The following RSRC1 variants were observed in gnomAD, a reference collection of about 807,000 sequenced individuals.
RSRC1 encodes arginine and serine rich coiled-coil 1.
A neutral mutation model predicts 49.1 loss-of-function variants in RSRC1; 39 were observed. That is an observed-to-expected ratio of 0.79 (90% CI 0.61 to 1.04). The LOEUF is 1.04. Among genes scored for constraint, RSRC1 ranks in the 50% least tolerant of loss-of-function variants. The pLI, the probability that RSRC1 is intolerant of heterozygous loss-of-function variation, is 0.00. For synonymous variants in RSRC1, 143 were observed against 130.8 expected, an observed-to-expected ratio of 1.09 and a Z score of -0.63; for missense variants, 388 against 402.4, an observed-to-expected ratio of 0.96 and a Z score of 0.31.
intron 6 of RSRC1, among the ~76,000 whole-genome samples, chr3:158,450,331 C>CTTTTTTTTT (rs57318071): frequency 7.9e-6 from 1 of 127,308 alleles, no homozygotes; most frequent in African/African-American, 2.9e-5. Context: ...TTCTTTTTTG[C>CTTTTTTTTT]TTTTTTTTTT....
At chr3:158,220,849 C>T (rs1408698919) in intron 4 of RSRC1, among the ~76,000 whole-genome samples, 2 of 151,544 alleles carry the variant, frequency 1.3e-5, no homozygotes, top group Admixed American at 1.3e-4. Flanking sequence ...ATAACTGAAT[C>T]AAAACATACA....
At chr3:158,393,793 T>C (rs1160812285) in intron 6 of RSRC1, among the ~76,000 whole-genome samples, 1 of 151,882 alleles carries the variant, frequency 6.6e-6, no homozygotes, top group Non-Finnish European at 1.5e-5. Flanking sequence ...AGCTCCTCAC[T>C]AACTTTTTCT....
chr3:158,364,740 C>T (rs1286489415), intron 6 of RSRC1, among the ~76,000 whole-genome samples: 1 of 151,478 alleles, frequency 6.6e-6, no homozygotes, highest in Non-Finnish European at 1.5e-5. Context: ...ATTCCTAGCT[C>T]TCATCTTTAC....
intron 4 of RSRC1, among the ~76,000 whole-genome samples, chr3:158,285,439 T>A (rs1220781641): frequency 1.3e-5 from 2 of 152,188 alleles, no homozygotes; most frequent in Non-Finnish European, 2.9e-5. Flanking sequence ...AGAAAGTCAT[T>A]GGTAGCTTGA....
chr3:158,485,235 A>G (rs1738771674), intron 7 of RSRC1, among the ~76,000 whole-genome samples: 1 of 152,036 alleles, frequency 6.6e-6, no homozygotes, highest in East Asian at 1.9e-4. Context: ...ACCTGAAGTT[A>G]ATTGTATGTT....
intron 4 of RSRC1, chr3:158,276,020 T>C: frequency 1.2e-6 from 1 of 829,804 alleles, no homozygotes; most frequent in Admixed American, 1.7e-5. Flanking sequence ...AATGGATTAA[T>C]GAGGATAGCC....
intron 7 of RSRC1, among the ~76,000 whole-genome samples, chr3:158,516,169 G>T (rs1391761552): frequency 6.6e-6 from 1 of 152,190 alleles, no homozygotes; most frequent in African/African-American, 2.4e-5. Context: ...AGGAGGAGAG[G>T]TGCTCGCTTT....
intron 5 of RSRC1, among the ~76,000 whole-genome samples, chr3:158,300,381 G>A (rs1283739165): frequency 6.6e-6 from 1 of 152,014 alleles, no homozygotes; most frequent in Admixed American, 6.6e-5. Flanking sequence ...ATCTTGCATT[G>A]TACATTAATA....
At chr3:158,342,393 A>C (rs1264587323) in intron 5 of RSRC1, among the ~76,000 whole-genome samples, 1 of 152,166 alleles carries the variant, frequency 6.6e-6, no homozygotes, top group Non-Finnish European at 1.5e-5. Context: ...ATAGTGAATA[A>C]GTCTCACGAG....
At chr3:158,354,752 A>G in intron 5 of RSRC1, 105 bp from the exon 6 acceptor site, 2 of 803,790 alleles carry the variant, frequency 2.5e-6, no homozygotes, top group Admixed American at 3.1e-5. Flanking sequence ...AAGCTCTTTA[A>G]ATTTCCTAAT....
chr3:158,424,870 C>G (rs528394829), intron 6 of RSRC1, among the ~76,000 whole-genome samples: 151 of 151,886 alleles, frequency 9.9e-4, no homozygotes, highest in Middle Eastern at 3.4e-3. Context: ...TTTGCGTAGA[C>G]GTGTTTGTAG....
intron 3 of RSRC1, among the ~76,000 whole-genome samples, chr3:158,148,935 C>T (rs977417882): frequency 5.3e-5 from 8 of 152,006 alleles, no homozygotes; most frequent in South Asian, 2.1e-4. Context: ...AGGCACATGC[C>T]GCCACGCCTG....
chr3:158,457,382 G>A (rs955417006), intron 6 of RSRC1, among the ~76,000 whole-genome samples: 3 of 152,174 alleles, frequency 2.0e-5, no homozygotes, highest in Non-Finnish European at 4.4e-5. Flanking sequence ...TAGTTGGCTG[G>A]TGAAAATAGG....
At chr3:158,118,468 T>TGTGTGTGC (rs1715023719) in intron 1 of RSRC1, among the ~76,000 whole-genome samples, 1 of 143,576 alleles carries the variant, frequency 7.0e-6, no homozygotes, top group South Asian at 2.2e-4. Flanking sequence ...TGTGTGCGCG[T>TGTGTGTGC]GCGCGTGGTT....
At chr3:158,257,583 A>G (rs1215380953) in intron 4 of RSRC1, among the ~76,000 whole-genome samples, 1 of 151,898 alleles carries the variant, frequency 6.6e-6, no homozygotes, top group African/African-American at 2.4e-5. Context: ...TTGTTTTTCT[A>G]TCCATTCAGG....
intron 3 of RSRC1, among the ~76,000 whole-genome samples, chr3:158,141,564 C>T (rs1417295133): frequency 6.6e-6 from 1 of 152,124 alleles, no homozygotes; most frequent in Admixed American, 6.5e-5. Context: ...AGGTCCTTCC[C>T]AGTAACTAAC....
rs1456110117 is a variant in RSRC1 at position 158,410,812 on chromosome 3, G to C, written c.584-50123G>C. 2.6e-5 allele frequency among the ~76,000 whole-genome samples: 4 copies of C among 151,934 alleles called. No individual in the cohort carries two copies. In the East Asian group the frequency reaches 7.7e-4, roughly 29 times the overall value. ...TAGTTCACCAAATTATTATAAAGCA[G>C]TATTATAATAGAATATATAATATTA... On this transcript the variant is annotated intron_variant, in intron 6 of 9. Transcript: ENST00000611884.
intron 4 of RSRC1, among the ~76,000 whole-genome samples, chr3:158,213,054 G>C (rs564968860): frequency 1.5e-4 from 23 of 152,058 alleles, no homozygotes; most frequent in African/African-American, 5.5e-4. Flanking sequence ...ATCTTGGTCA[G>C]CACAAGTATA....
intron 4 of RSRC1, among the ~76,000 whole-genome samples, chr3:158,207,912 A>G (rs1270217139): frequency 6.6e-6 from 1 of 152,180 alleles, no homozygotes; most frequent in Non-Finnish European, 1.5e-5. Flanking sequence ...AATAACAGCT[A>G]ATTATAGTTC....
Sources: allele counts gnomAD v4.1 joint callset (sites outside exome capture counted in the v4.1 genomes callset), GRCh38; gene constraint gnomAD v4.1.1; transcripts MANE v1.5; gene names NCBI Gene and HGNC (gene_info 2026-07-23, HGNC 2026-07-21).